Variants in MAP2K1 observed in about 807,000 individuals in gnomAD.
The protein encoded by MAP2K1 is mitogen-activated protein kinase kinase 1.
A neutral mutation model predicts 46.3 loss-of-function variants in MAP2K1; 16 were observed. The ratio of observed to expected loss-of-function variants is 0.35; its 90% CI spans 0.23 to 0.52. MAP2K1 has a LOEUF of 0.52. Among genes scored for constraint, MAP2K1 ranks in the 20% least tolerant of loss-of-function variants. The pLI, the probability that MAP2K1 is intolerant of heterozygous loss-of-function variation, is 0.94. For synonymous variants in MAP2K1, 183 were observed against 185.6 expected, an observed-to-expected ratio of 0.99 and a Z score of 0.11; for missense variants, 263 against 497.1, an observed-to-expected ratio of 0.53 and a Z score of 4.48.
intron 1 of MAP2K1, among the ~76,000 whole-genome samples, chr15:66,426,074 G>A (rs557781604): frequency 6.6e-6 from 1 of 151,908 alleles, no homozygotes; most frequent in East Asian, 1.9e-4. Context: ...TGAACGTTCA[G>A]CTCTTCCTGC....
At chr15:66,391,174 G>T (rs1279506785) in intron 1 of MAP2K1, among the ~76,000 whole-genome samples, 1 of 151,774 alleles carries the variant, frequency 6.6e-6, no homozygotes, top group East Asian at 1.9e-4. Context: ...CTATAGGTGG[G>T]TACTACTGTG....
Position 66,387,279 on chromosome 15 carries a change from A to C in MAP2K1, c.-69A>C. ...TGGTCCTGCGCAGCGGGCGCGGGGC[A>C]GCGCAGCGGGAGGAAGCGAGAGGTG... On this transcript the variant is annotated 5_prime_UTR_variant, in exon 1 of 11. Coordinates refer to ENST00000307102, the MANE Select transcript of MAP2K1 (RefSeq NM_002755.4). 7.5e-7 allele frequency: 1 copy of C among 1,339,108 alleles called. No individual in the cohort carries two copies. Among genetic ancestry groups the C allele is most frequent in the Non-Finnish European group, 1.0e-6 (1 of 955,880 alleles). The allele number at this position is 1,339,108 out of a possible 1,614,324, so 83.0% of individuals were successfully genotyped here.
intron 5 of MAP2K1, among the ~76,000 whole-genome samples, chr15:66,462,886 G>T (rs983331392): frequency 2.0e-4 from 31 of 152,218 alleles, no homozygotes; most frequent in Admixed American, 1.4e-3. Flanking sequence ...TCAGTGCTCG[G>T]GAAGGGATGG....
intron 5 of MAP2K1, among the ~76,000 whole-genome samples, chr15:66,462,661 C>T (rs1475098371): frequency 4.0e-5 from 6 of 151,716 alleles, no homozygotes; most frequent in South Asian, 2.1e-4. Flanking sequence ...AAGTGACATA[C>T]ATGATAAAAA....
chr15:66,390,634 T>G (rs1380486505), intron 1 of MAP2K1, among the ~76,000 whole-genome samples: 4 of 152,196 alleles, frequency 2.6e-5, no homozygotes, highest in Non-Finnish European at 5.9e-5. Context: ...CAGAAACATG[T>G]GAGCATATTA....
intron 5 of MAP2K1, among the ~76,000 whole-genome samples, chr15:66,478,138 T>C (rs530209365): frequency 3.3e-5 from 5 of 151,802 alleles, no homozygotes; most frequent in Non-Finnish European, 7.4e-5. Context: ...TCCCTCTCTC[T>C]GTTCACATCG....
chr15:66,462,434 T>C (rs183388486), intron 5 of MAP2K1, among the ~76,000 whole-genome samples: 1 of 147,566 alleles, frequency 6.8e-6, no homozygotes, highest in East Asian at 2.0e-4. Context: ...GAGGCGGAGG[T>C]TGCAGTGAGC....
chr15:66,456,786 C>G (rs778749016), intron 5 of MAP2K1, among the ~76,000 whole-genome samples: 22 of 152,326 alleles, frequency 1.4e-4, no homozygotes, highest in Non-Finnish European at 2.6e-4. Flanking sequence ...CAGATGGCGC[C>G]TCTTGATGAA....
intron 5 of MAP2K1, among the ~76,000 whole-genome samples, chr15:66,479,976 C>T (rs1465554684): frequency 6.6e-6 from 1 of 152,050 alleles, no homozygotes; most frequent in Non-Finnish European, 1.5e-5. Flanking sequence ...GTGGTCTCAG[C>T]TCACTGCAAC....
At chr15:66,389,605 C>T (rs570187612) in intron 1 of MAP2K1, among the ~76,000 whole-genome samples, 15 of 125,442 alleles carry the variant, frequency 1.2e-4, no homozygotes, top group Admixed American at 1.9e-4. Flanking sequence ...TTGACAGTCT[C>T]GCTCTGTTGC....
chr15:66,485,704 G>C (rs1225404021), intron 7 of MAP2K1, among the ~76,000 whole-genome samples: 1 of 152,138 alleles, frequency 6.6e-6, no homozygotes, highest in Non-Finnish European at 1.5e-5. Context: ...TCAGCGTCCT[G>C]AGTAGCTGGG....
At chr15:66,449,003 C>CAAAAAAAAAAAA (rs59398424) in intron 5 of MAP2K1, among the ~76,000 whole-genome samples, 33 of 47,910 alleles carry the variant, frequency 6.9e-4, no homozygotes, top group South Asian at 1.4e-3. Context: ...GACACTGTCT[C>CAAAAAAAAAAAA]AAAAAAAAAA....
chr15:66,445,662 G>T (rs540875520), intron 5 of MAP2K1, among the ~76,000 whole-genome samples: 4 of 152,264 alleles, frequency 2.6e-5, no homozygotes, highest in African/African-American at 9.6e-5. Context: ...AAAGACTACT[G>T]ATAACACCTA....
Position 66,394,925 on chromosome 15 carries a change from T to G in MAP2K1, c.80+7498T>G, listed in dbSNP as rs561176003. Among the ~76,000 whole-genome samples, 6 of 152,346 alleles carry G rather than the reference T, an allele frequency of 3.9e-5. No homozygotes were observed. In the East Asian group the frequency reaches 1.2e-3, roughly 29 times the overall value. ...TTGGGAAGAACATCTCTGCCGCTGTTACAGCAGATACAGTAATAGCAAAGA... is the reference window on the plus strand; with the variant it reads ...TTGGGAAGAACATCTCTGCCGCTGTGACAGCAGATACAGTAATAGCAAAGA... On this transcript the variant is annotated intron_variant, in intron 1 of 10. Transcript: ENST00000307102.
intron 5 of MAP2K1, among the ~76,000 whole-genome samples, chr15:66,467,386 T>G (rs942361781): frequency 1.3e-5 from 2 of 152,122 alleles, no homozygotes; most frequent in African/African-American, 4.8e-5. Context: ...GGAACTTAGT[T>G]TATAGTTGAG....
intron 5 of MAP2K1, among the ~76,000 whole-genome samples, chr15:66,474,345 G>C (rs1295290356): frequency 6.6e-6 from 1 of 152,176 alleles, no homozygotes; most frequent in African/African-American, 2.4e-5. Flanking sequence ...GGTTCCTGCT[G>C]TTAGCACCTT....
intron 5 of MAP2K1, among the ~76,000 whole-genome samples, chr15:66,478,068 C>T (rs1334423737): frequency 1.3e-5 from 2 of 151,746 alleles, no homozygotes; most frequent in African/African-American, 4.8e-5. Context: ...ACAGAGCTCG[C>T]CCCTCTCCTC....
chr15:66,403,211 T>C (rs2093386668), intron 1 of MAP2K1, among the ~76,000 whole-genome samples: 1 of 152,232 alleles, frequency 6.6e-6, no homozygotes, highest in African/African-American at 2.4e-5. Flanking sequence ...GGAAAGTTAC[T>C]TGGTTTGACA....
At position 66,490,490 on chromosome 15, in the gene MAP2K1, C is replaced by T; in HGVS notation, c.1069-12C>T. 1 of 1,584,268 alleles carries T rather than the reference C, an allele frequency of 6.3e-7. No individual in the cohort carries two copies. Among genetic ancestry groups the T allele is most frequent in the Non-Finnish European group, 8.7e-7 (1 of 1,152,836 alleles). On this transcript the variant is annotated splice_polypyrimidine_tract_variant and intron_variant, in intron 10 of 10. Coordinates refer to ENST00000307102, the MANE Select transcript of MAP2K1 (RefSeq NM_002755.4). ...TTTTTAACACCACGTCCTCTCGTTTCCTTACATGCAGGTTCATGCTTTTAT... is the reference window on the plus strand; with the variant it reads ...TTTTTAACACCACGTCCTCTCGTTTTCTTACATGCAGGTTCATGCTTTTAT...
Sources: allele counts gnomAD v4.1 joint callset (sites outside exome capture counted in the v4.1 genomes callset), GRCh38; gene constraint gnomAD v4.1.1; transcripts MANE v1.5; gene names NCBI Gene and HGNC (gene_info 2026-07-23, HGNC 2026-07-21).